GMCL1: variants seen among roughly 807,000 people sequenced by gnomAD.
GMCL1 encodes the protein germ cell-less 1, spermatogenesis associated.
Under a neutral mutation model 75.5 loss-of-function variants are expected in GMCL1, and 54 were observed. That is an observed-to-expected ratio of 0.71 (90% CI 0.57 to 0.90). The LOEUF is 0.90. Ranked by LOEUF, GMCL1 falls within the 40% of genes least tolerant of loss-of-function variation. The pLI is 0.00. For synonymous variants in GMCL1, 210 were observed against 209.6 expected, an observed-to-expected ratio of 1.00 and a Z score of -0.02; for missense variants, 537 against 622.7, an observed-to-expected ratio of 0.86 and a Z score of 1.47.
At chr2:69,869,955 C>T (rs1675940181) in intron 12 of GMCL1, 91 bp downstream of exon 12, 1 of 1,289,940 alleles carries the variant, frequency 7.8e-7, no homozygotes, top group Non-Finnish European at 1.1e-6. Flanking sequence ...ATTAGTAGAA[C>T]TTTGGTAAGC....
At chr2:69,830,184 G>A (rs1273950189) in intron 1 of GMCL1, 32 bp downstream of exon 1, 1 of 1,542,428 alleles carries the variant, frequency 6.5e-7, no homozygotes, top group Non-Finnish European at 8.7e-7. Flanking sequence ...CGCGGACCCG[G>A]ACCCGCACCT....
At position 69,837,693 on chromosome 2, in the gene GMCL1, T is replaced by C; in HGVS notation, c.384+23T>C. 4 of 1,589,496 alleles carry C rather than the reference T, an allele frequency of 2.5e-6. 1 individual carries two copies. The highest frequency in any genetic ancestry group is 3.4e-6 in the Non-Finnish European group (4 of 1,172,432). ...CAAGTAAGTATTTTTTCTATTTGAG[T>C]AACAGGGTAGTCACTGAAACTCTTA... On this transcript the variant is annotated intron_variant, in intron 2 of 13. Transcript: ENST00000282570.
intron 13 of GMCL1, among the ~76,000 whole-genome samples, chr2:69,877,309 G>A (rs1356355294): frequency 2.0e-5 from 3 of 152,198 alleles, no homozygotes; most frequent in Non-Finnish European, 4.4e-5. Context: ...TATCCATTCA[G>A]CCAAGTGATA....
At chr2:69,852,772 C>CGA (rs1675356568) in intron 8 of GMCL1, among the ~76,000 whole-genome samples, 1 of 152,176 alleles carries the variant, frequency 6.6e-6, no homozygotes, top group Non-Finnish European at 1.5e-5. Flanking sequence ...CTTCTGTCCT[C>CGA]GAGTGATCTG....
At chr2:69,862,311 TAA>T (rs1006381174) in intron 10 of GMCL1, among the ~76,000 whole-genome samples, 1 of 152,210 alleles carries the variant, frequency 6.6e-6, no homozygotes, top group Non-Finnish European at 1.5e-5. Context: ...GACCTAATTA[TAA>T]GTTTTCATCC....
intron 7 of GMCL1, among the ~76,000 whole-genome samples, chr2:69,848,317 G>A (rs1573352577): frequency 6.7e-6 from 1 of 149,974 alleles, no homozygotes; most frequent in Non-Finnish European, 1.5e-5. Context: ...TATCTCATAG[G>A]GACTCTTTGT....
intron 9 of GMCL1, among the ~76,000 whole-genome samples, chr2:69,858,900 C>G (rs1675557386): frequency 1.3e-5 from 2 of 152,210 alleles, no homozygotes; most frequent in South Asian, 4.1e-4. Flanking sequence ...GTAATCCCAG[C>G]ACTTTGGAAG....
At chr2:69,876,351 T>C (rs980320323) in intron 13 of GMCL1, among the ~76,000 whole-genome samples, 2 of 152,186 alleles carry the variant, frequency 1.3e-5, no homozygotes, top group African/African-American at 2.4e-5. Flanking sequence ...GTCAGATGGT[T>C]TTCTGATTTG....
chr2:69,875,516 G>A (rs182087048), intron 13 of GMCL1, among the ~76,000 whole-genome samples: 5 of 151,940 alleles, frequency 3.3e-5, no homozygotes, highest in African/African-American at 1.2e-4. Context: ...ATTCCTATGG[G>A]GATTTTAATT....
At chr2:69,871,068 A>G (rs1004743909) in intron 12 of GMCL1, among the ~76,000 whole-genome samples, 3 of 152,224 alleles carry the variant, frequency 2.0e-5, no homozygotes. Flanking sequence ...ATATTTTTGT[A>G]TACTTATGTT....
At position 69,879,886 on chromosome 2, in the gene GMCL1, A is replaced by T. The variant is rs994258669; in HGVS notation, c.*882A>T. ...GATCTTTAGAATTATTTATGTTCAA[A>T]TTTTAGTTGGGAACTTTGTTTCCTA... is the stretch of plus-strand genomic sequence containing the variant. On this transcript the variant is annotated 3_prime_UTR_variant, in exon 14 of 14. Transcript: ENST00000282570. 4.6e-5 allele frequency: 7 copies of T among 152,166 alleles called. No homozygotes were observed. The highest frequency in any genetic ancestry group is 1.7e-4 in the African/African-American group (7 of 41,438). The allele number at this position is 152,166 out of a possible 1,614,324, so 9.4% of individuals were successfully genotyped here. A position where few individuals can be genotyped will look rare whatever the true frequency, so the allele number is the denominator to read the frequency against.
intron 11 of GMCL1, among the ~76,000 whole-genome samples, chr2:69,865,209 A>C (rs926594484): frequency 6.6e-6 from 1 of 152,218 alleles, no homozygotes; most frequent in Non-Finnish European, 1.5e-5. Flanking sequence ...TAAGACATAC[A>C]AGAAGAGGGT....
chr2:69,861,031 C>T (rs1021370064), intron 9 of GMCL1, among the ~76,000 whole-genome samples: 4 of 152,134 alleles, frequency 2.6e-5, no homozygotes, highest in South Asian at 2.1e-4. Context: ...TTAGTAGAGA[C>T]GGGGTTTTGC....
At chr2:69,871,698 T>C (rs779737083) in intron 12 of GMCL1, 47 bp from the exon 13 acceptor site, 6 of 986,270 alleles carry the variant, frequency 6.1e-6, no homozygotes, top group Non-Finnish European at 9.2e-6. Context: ...GTTTAATCTG[T>C]GGTTTAAAAA....
chr2:69,839,030 A>G (rs1191079094), intron 2 of GMCL1, among the ~76,000 whole-genome samples: 1 of 152,188 alleles, frequency 6.6e-6, no homozygotes, highest in Non-Finnish European at 1.5e-5. Flanking sequence ...TCCATTCTGG[A>G]CATTTCTCAT....
chr2:69,844,900 C>T, intron 6 of GMCL1: 1 of 322,324 alleles, frequency 3.1e-6, no homozygotes, highest in South Asian at 2.5e-5. Flanking sequence ...AAGTCTGTGG[C>T]CATGTCCCTG....
At chr2:69,835,335 A>G (rs1185789272) in intron 1 of GMCL1, among the ~76,000 whole-genome samples, 1 of 152,088 alleles carries the variant, frequency 6.6e-6, no homozygotes, top group Non-Finnish European at 1.5e-5. Context: ...TATGGGGTAA[A>G]TATAATAATC....
chr2:69,869,042 C>T (rs1302590477), intron 11 of GMCL1, among the ~76,000 whole-genome samples: 6 of 151,686 alleles, frequency 4.0e-5, no homozygotes, highest in African/African-American at 1.2e-4. Context: ...CACCTGAGGT[C>T]GGGAGTTCGA....
Position 69,830,203 on chromosome 2 carries a change from T to G in GMCL1, c.260+51T>G, listed in dbSNP as rs761819030. 12 of 1,520,266 alleles carry G rather than the reference T, an allele frequency of 7.9e-6. No homozygotes were observed. The African/African-American group carries it at 1.7e-4, about 21-fold the overall frequency. 94.2% of individuals were successfully genotyped at this position (1,520,266 alleles called of 1,614,324 possible). Reference sequence around the variant, plus strand: ...GACCCGGACCCGCACCTGTTGGGCCTGGGGCCGAGCCGGCGCCTCGTGCGC... The same window carrying G: ...GACCCGGACCCGCACCTGTTGGGCCGGGGGCCGAGCCGGCGCCTCGTGCGC... On this transcript the variant is annotated intron_variant, in intron 1 of 13. Coordinates refer to ENST00000282570, the MANE Select transcript of GMCL1 (RefSeq NM_178439.5).
Sources: allele counts gnomAD v4.1 joint callset (sites outside exome capture counted in the v4.1 genomes callset), GRCh38; gene constraint gnomAD v4.1.1; transcripts MANE v1.5; gene names NCBI Gene and HGNC (gene_info 2026-07-23, HGNC 2026-07-21).